Variants in SATB2 observed in about 807,000 individuals in gnomAD.
SATB2 encodes SATB homeobox 2.
Under a neutral mutation model 73.4 loss-of-function variants are expected in SATB2, and 1 was observed. The ratio of observed to expected loss-of-function variants is 0.01; its 90% CI spans 0.00 to 0.06. The LOEUF (loss-of-function observed/expected upper bound fraction) is 0.06, where lower values mean the gene tolerates loss of function less well. Among genes scored for constraint, SATB2 ranks in the 10% least tolerant of loss-of-function variants. SATB2 has a pLI of 1.00. For missense variants in SATB2, 459 were observed against 945.8 expected, an observed-to-expected ratio of 0.49 and a Z score of 6.75; for synonymous variants, 397 against 367.0, an observed-to-expected ratio of 1.08 and a Z score of -0.93.
intron 7 of SATB2, among the ~76,000 whole-genome samples, chr2:199,345,275 TTTTTC>T (rs1413035738): frequency 6.6e-5 from 10 of 152,224 alleles, no homozygotes; most frequent in African/African-American, 2.4e-4. Context: ...TCATATTTTC[TTTTTC>T]TTTTCTTTTT....
chr2:199,281,238 A>C (rs1457464394), intron 10 of SATB2, among the ~76,000 whole-genome samples: 1 of 146,326 alleles, frequency 6.8e-6, no homozygotes, highest in Non-Finnish European at 1.5e-5. Context: ...TGTCTCAAAA[A>C]AAAAAAAGCA....
rs1445939463 is a variant in SATB2, at chr2:199,366,831, T to C, written c.700+1774A>G. Reference sequence around the variant, plus strand: ...TATCTTTAAAAAAAAAAAAAAAAGATACAGCTTGAAGAATTAAAGCTCCAG... The same window carrying C: ...TATCTTTAAAAAAAAAAAAAAAAGACACAGCTTGAAGAATTAAAGCTCCAG... On this transcript the variant is annotated intron_variant, in intron 6 of 10. Transcript: ENST00000417098. Among the ~76,000 whole-genome samples the C allele has an allele frequency of 3.4e-5, 5 of 145,532 alleles. No individual in the cohort carries two copies. In the East Asian group the frequency reaches 1.0e-3, roughly 29 times the overall value.
chr2:199,355,616 G>T (rs542700053), intron 6 of SATB2, among the ~76,000 whole-genome samples: 13 of 151,890 alleles, frequency 8.6e-5, no homozygotes, highest in African/African-American at 3.1e-4. Context: ...CAAAGGCCTG[G>T]GTTATAACTA....
At chr2:199,427,360 C>G (rs941664211) in intron 3 of SATB2, among the ~76,000 whole-genome samples, 3 of 151,448 alleles carry the variant, frequency 2.0e-5, no homozygotes, top group Admixed American at 2.0e-4. Flanking sequence ...ACACATCAAC[C>G]AAGTGCAATT....
At chr2:199,365,130 T>C (rs910345684) in intron 6 of SATB2, among the ~76,000 whole-genome samples, 2 of 152,166 alleles carry the variant, frequency 1.3e-5, no homozygotes. Context: ...TAGGTGTCTA[T>C]GGAATCTCAT....
At chr2:199,390,086 T>C (rs1025608228) in intron 3 of SATB2, among the ~76,000 whole-genome samples, 4 of 151,858 alleles carry the variant, frequency 2.6e-5, no homozygotes, top group South Asian at 2.1e-4. Context: ...AAAGACCTTA[T>C]TGAAAAAAAA....
intron 3 of SATB2, among the ~76,000 whole-genome samples, chr2:199,392,706 G>T (rs1690182687): frequency 6.6e-6 from 1 of 152,080 alleles, no homozygotes; most frequent in Non-Finnish European, 1.5e-5. Context: ...CCCTCTCTGG[G>T]CCCCTATTTT....
intron 3 of SATB2, among the ~76,000 whole-genome samples, chr2:199,394,077 T>A (rs758518383): frequency 2.0e-5 from 3 of 152,212 alleles, no homozygotes; most frequent in Non-Finnish European, 2.9e-5. Flanking sequence ...AGGACACTTT[T>A]ATGTTAATGA....
chr2:199,348,633 T>C, intron 7 of SATB2, 68 bp downstream of exon 7: 1 of 1,234,692 alleles, frequency 8.1e-7, no homozygotes, highest in African/African-American at 1.5e-5. Flanking sequence ...GAGATAAAAA[T>C]AATTATAACC....
chr2:199,431,239 T>C (rs937698682), intron 3 of SATB2, among the ~76,000 whole-genome samples: 1 of 152,258 alleles, frequency 6.6e-6, no homozygotes, highest in East Asian at 1.9e-4. Context: ...TGTCTTATCA[T>C]GCATACTATT....
At chr2:199,443,536 T>C (rs1485552373) in intron 2 of SATB2, among the ~76,000 whole-genome samples, 1 of 60,522 alleles carries the variant, frequency 1.7e-5, no homozygotes, top group Non-Finnish European at 3.5e-5. Context: ...AGTAAAGTTA[T>C]AGCAAAAAAA....
intron 1 of SATB2, chr2:199,470,116 A>G (rs1254052000): frequency 6.6e-6 from 1 of 152,274 alleles, no homozygotes; most frequent in Non-Finnish European, 1.5e-5. Flanking sequence ...CTGGGAAGAC[A>G]CCAGTCTCTG....
chr2:199,318,861 C>T (rs1209082091), intron 9 of SATB2, among the ~76,000 whole-genome samples: 1 of 151,872 alleles, frequency 6.6e-6, no homozygotes, highest in Non-Finnish European at 1.5e-5. Flanking sequence ...TTTAGCCTGT[C>T]AAGCAAATTA....
chr2:199,299,826 G>T (rs2105755490), intron 10 of SATB2, among the ~76,000 whole-genome samples: 1 of 152,218 alleles, frequency 6.6e-6, no homozygotes, highest in South Asian at 2.1e-4. Context: ...CCAAAAGCCA[G>T]ACTTTGCTAG....
chr2:199,304,369 TG>T (rs1687371497), intron 10 of SATB2, among the ~76,000 whole-genome samples: 1 of 152,156 alleles, frequency 6.6e-6, no homozygotes, highest in South Asian at 2.1e-4. Flanking sequence ...TTTCATGAAA[TG>T]CTTTGGTTTG....
At chr2:199,319,442 C>G (rs1017674972) in intron 9 of SATB2, among the ~76,000 whole-genome samples, 1 of 152,080 alleles carries the variant, frequency 6.6e-6, no homozygotes, top group Non-Finnish European at 1.5e-5. Flanking sequence ...TCTGGCACTA[C>G]CCCCTTTCAT....
chr2:199,383,571 G>A (rs1304883069), intron 3 of SATB2, among the ~76,000 whole-genome samples: 1 of 152,152 alleles, frequency 6.6e-6, no homozygotes, highest in Admixed American at 6.5e-5. Flanking sequence ...AAGTCACACA[G>A]ATAATATATG....
At chr2:199,348,655 T>C in intron 7 of SATB2, 46 bp downstream of exon 7, 1 of 1,377,800 alleles carries the variant, frequency 7.3e-7, no homozygotes, top group East Asian at 2.3e-5. Context: ...ATCTCAATTC[T>C]GTCCCCAGTA....
At chr2:199,442,096 T>A (rs1250092343) in intron 2 of SATB2, among the ~76,000 whole-genome samples, 1 of 152,210 alleles carries the variant, frequency 6.6e-6, no homozygotes, top group South Asian at 2.1e-4. Flanking sequence ...ACCCTGAGCC[T>A]GACCTATATA....
Sources: allele counts gnomAD v4.1 joint callset (sites outside exome capture counted in the v4.1 genomes callset), GRCh38; gene constraint gnomAD v4.1.1; transcripts MANE v1.5; gene names NCBI Gene and HGNC (gene_info 2026-07-23, HGNC 2026-07-21).